AP2A2: variants seen among roughly 807,000 people sequenced by gnomAD.
The protein encoded by AP2A2 is AP-2 complex subunit alpha-2.
AP2A2 carries 32 observed loss-of-function variants against 104.2 expected under a neutral mutation model. The observed-to-expected ratio is 0.31, with a 90% CI of 0.23 to 0.41. The LOEUF (loss-of-function observed/expected upper bound fraction) is 0.41, where lower values mean the gene tolerates loss of function less well. Ranked by LOEUF, AP2A2 falls within the 10% of genes least tolerant of loss-of-function variation. AP2A2 has a pLI of 1.00. For synonymous variants in AP2A2, 539 were observed against 533.3 expected, an observed-to-expected ratio of 1.01 and a Z score of -0.15; for missense variants, 912 against 1,261.0, an observed-to-expected ratio of 0.72 and a Z score of 4.19.
At chr11:1,000,352 AG>A (rs1855989858) in intron 14 of AP2A2, 79 bp from the exon 15 acceptor site, 1 of 1,402,888 alleles carries the variant, frequency 7.1e-7, no homozygotes, top group Non-Finnish European at 9.7e-7. Context: ...GCCATGGGGG[AG>A]GACGTGCAGG....
chr11:945,142 C>T (rs999867552), intron 1 of AP2A2, among the ~76,000 whole-genome samples: 3 of 151,892 alleles, frequency 2.0e-5, no homozygotes, highest in Non-Finnish European at 4.4e-5. Flanking sequence ...CCGTGTGCCA[C>T]GCTGCAGAGA....
In AP2A2 at chr11:1,010,480, C is replaced by T. The variant is rs1856389246; in HGVS notation, c.2743-68C>T. On this transcript the variant is annotated intron_variant, in intron 21 of 21. Transcript: ENST00000448903. ...GCATGGCCCACAGGGTTCTGCATGG[C>T]GGATCCTGGACCCGAGGGCTGTGTG... is the stretch of plus-strand genomic sequence containing the variant. 8 of 1,335,086 alleles carry T rather than the reference C, an allele frequency of 6.0e-6. No homozygotes were observed. The East Asian group carries it at 7.5e-5, about 13-fold the overall frequency. The allele number at this position is 1,335,086 out of a possible 1,614,324, so 82.7% of individuals were successfully genotyped here.
At chr11:949,575 G>T (rs1238303849) in intron 1 of AP2A2, among the ~76,000 whole-genome samples, 1 of 152,072 alleles carries the variant, frequency 6.6e-6, no homozygotes, top group African/African-American at 2.4e-5. Flanking sequence ...AGGAGATGGA[G>T]ACCAGCCTGG....
intron 1 of AP2A2, among the ~76,000 whole-genome samples, chr11:949,173 G>A (rs1853952406): frequency 6.6e-6 from 1 of 152,048 alleles, no homozygotes; most frequent in African/African-American, 2.4e-5. Context: ...CCACTTGGGA[G>A]GCTGAGGCAG....
intron 6 of AP2A2, 132 bp from the exon 7 acceptor site, chr11:984,513 C>T (rs976841769): frequency 8.9e-6 from 7 of 785,202 alleles, no homozygotes; most frequent in Admixed American, 2.0e-5. Context: ...GTGTCAGACA[C>T]TCTTGGCACA....
At chr11:983,816 A>G (rs186675012) in intron 6 of AP2A2, among the ~76,000 whole-genome samples, 1 of 152,258 alleles carries the variant, frequency 6.6e-6, no homozygotes, top group African/African-American at 2.4e-5. Context: ...GAGACAGCTC[A>G]TGTTGGCCGT....
At position 983,607 on chromosome 11, in the gene AP2A2, T is replaced by A. The variant is rs558523745; in HGVS notation, c.706-1038T>A. 1.7e-4 allele frequency among the ~76,000 whole-genome samples: 26 copies of A among 151,884 alleles called. No homozygotes were observed. In the East Asian group the frequency reaches 4.7e-3, roughly 27 times the overall value. On this transcript the variant is annotated intron_variant, in intron 6 of 21. Transcript: ENST00000448903. ...ACTGTGTTAGCCAGGATGGTCTCGA[T>A]CTCCTGACCTTGTGATCCGCCCGCC... is the stretch of plus-strand genomic sequence containing the variant.
At chr11:964,798 A>T (rs1212346069) in intron 2 of AP2A2, among the ~76,000 whole-genome samples, 1 of 135,986 alleles carries the variant, frequency 7.4e-6, no homozygotes. Flanking sequence ...TCCCAGATGG[A>T]AGCGTGGAAA....
intron 15 of AP2A2, 76 bp from the exon 16 acceptor site, chr11:1,003,646 G>GT (rs1272344907): frequency 5.0e-6 from 5 of 1,002,002 alleles, no homozygotes; most frequent in South Asian, 1.8e-5. Context: ...CGTGCTGTGA[G>GT]TTTTTTTCCA....
At position 992,696 on chromosome 11, in the gene AP2A2, C is replaced by T; in HGVS notation, c.1452+11C>T. 1 of 1,613,630 alleles carries T rather than the reference C, an allele frequency of 6.2e-7. No homozygotes were observed. The highest frequency in any genetic ancestry group is 2.2e-5 in the East Asian group (1 of 44,866). ...AAGACTGTGTTCGAGGTATGGCCCG[C>T]AGGATGGCAGGAAGGATGGGGTGGA... On this transcript the variant is annotated intron_variant, in intron 11 of 21. Coordinates refer to ENST00000448903, the MANE Select transcript of AP2A2 (RefSeq NM_012305.4). This position sits in a 1 kb window ranked among gnomAD's most constrained non-coding sequence, Gnocchi z 6.4.
intron 1 of AP2A2, among the ~76,000 whole-genome samples, chr11:935,110 G>A (rs1214066735): frequency 6.8e-6 from 1 of 146,842 alleles, no homozygotes; most frequent in Non-Finnish European, 1.5e-5. Flanking sequence ...CTAGAGTGCA[G>A]TGGTGCGATC....
intron 1 of AP2A2, among the ~76,000 whole-genome samples, chr11:953,120 A>C (rs1236995785): frequency 6.6e-6 from 1 of 152,202 alleles, no homozygotes; most frequent in Non-Finnish European, 1.5e-5. Flanking sequence ...TCTTGCCTGC[A>C]GGTCATCATC....
intron 1 of AP2A2, among the ~76,000 whole-genome samples, chr11:935,346 C>T (rs371070649): frequency 1.3e-5 from 2 of 151,932 alleles, no homozygotes; most frequent in African/African-American, 4.8e-5. Flanking sequence ...TGTGAGCCAC[C>T]GCGCCCAGCT....
rs752129687 is a variant in AP2A2 at position 977,154 on chromosome 11, C to T, written c.533C>T (p.Thr178Met). ...AALCLLRLYR[T>M]SPDLVPMGDW... Reference sequence around the variant, plus strand: ...CTGTGCTTGCTGCGCCTGTACAGGACGTCCCCCGATCTTGTCCCCATGGGC... The same window carrying T: ...CTGTGCTTGCTGCGCCTGTACAGGATGTCCCCCGATCTTGTCCCCATGGGC... The change falls in exon 5 of 22, where the codon ACG becomes ATG. Residue 178 changes from threonine to methionine, a missense_variant. Transcript: ENST00000448903. 4 of 1,613,530 alleles carry T rather than the reference C, an allele frequency of 2.5e-6. No homozygotes were observed. The highest frequency in any genetic ancestry group is 2.2e-5 in the South Asian group (2 of 91,048).
chr11:934,840 C>T (rs1257526376), intron 1 of AP2A2, among the ~76,000 whole-genome samples: 1 of 151,986 alleles, frequency 6.6e-6, no homozygotes, highest in Admixed American at 6.6e-5. Context: ...GCTGAAATAG[C>T]AAGTACGTGT....
Position 998,609 on chromosome 11 carries a change from G to T in AP2A2, c.1957-1823G>T, listed in dbSNP as rs1002691632. Among the ~76,000 whole-genome samples, 3 of 152,088 alleles carry T rather than the reference G, an allele frequency of 2.0e-5. No homozygotes were observed. In the South Asian group the frequency reaches 6.2e-4, roughly 32 times the overall value. ...TCAAGTTAGGGTGTCTTGTGTCTCTGTTTTTTGCCTGTGAAATGCCAATAT... is the reference window on the plus strand; with the variant it reads ...TCAAGTTAGGGTGTCTTGTGTCTCTTTTTTTTGCCTGTGAAATGCCAATAT... On this transcript the variant is annotated intron_variant, in intron 14 of 21. Coordinates refer to ENST00000448903, the MANE Select transcript of AP2A2 (RefSeq NM_012305.4).
intron 2 of AP2A2, among the ~76,000 whole-genome samples, chr11:963,787 T>G (rs1327671220): frequency 2.6e-5 from 4 of 152,216 alleles, no homozygotes; most frequent in African/African-American, 9.7e-5. Flanking sequence ...CACGCCTGGC[T>G]AACATTTAAA....
chr11:994,802 G>A (rs1186283396), intron 14 of AP2A2, among the ~76,000 whole-genome samples: 5 of 139,488 alleles, frequency 3.6e-5, no homozygotes, highest in East Asian at 2.2e-4. Flanking sequence ...GGCCTGTCCC[G>A]GGGGCCACTG....
At chr11:965,410 T>C (rs1000057933) in intron 2 of AP2A2, among the ~76,000 whole-genome samples, 1 of 152,208 alleles carries the variant, frequency 6.6e-6, no homozygotes, top group Non-Finnish European at 1.5e-5. Context: ...AAACCGTATT[T>C]GTTTGCCATC....
Sources: allele counts gnomAD v4.1 joint callset (sites outside exome capture counted in the v4.1 genomes callset), GRCh38; gene constraint gnomAD v4.1.1; non-coding constraint Gnocchi (gnomAD v3.1); transcripts MANE v1.5; gene names NCBI Gene and HGNC (gene_info 2026-07-23, HGNC 2026-07-21).